The following MAP4K4 variants were observed in gnomAD, a reference collection of about 807,000 sequenced individuals.
MAP4K4 encodes the protein HPK/GCK-like kinase HGK.
Under a neutral mutation model 189.6 loss-of-function variants are expected in MAP4K4, and 38 were observed. The observed-to-expected ratio is 0.20, with a 90% CI of 0.15 to 0.26. The LOEUF is 0.26. Among genes scored for constraint, MAP4K4 ranks in the 10% least tolerant of loss-of-function variants. The pLI is 1.00. For missense variants in MAP4K4, 1,054 were observed against 1,726.9 expected (o/e 0.61, Z 6.91); for synonymous variants, 610 against 624.3 (o/e 0.98, Z 0.34).
chr2:101,768,763 A>T (rs2079884164), intron 2 of MAP4K4, among the ~76,000 whole-genome samples: 1 of 152,184 alleles, frequency 6.6e-6, no homozygotes, highest in Non-Finnish European at 1.5e-5. Context: ...TAAGGGTTTT[A>T]GGAGCCTGTT....
chr2:101,820,853 G>T (rs560098717), intron 3 of MAP4K4, among the ~76,000 whole-genome samples: 1 of 152,160 alleles, frequency 6.6e-6, no homozygotes, highest in African/African-American at 2.4e-5. Context: ...GCTACTGCTC[G>T]TTACACTGTG....
At chr2:101,883,544 A>G (rs943818618) in intron 28 of MAP4K4, among the ~76,000 whole-genome samples, 2 of 152,194 alleles carry the variant, frequency 1.3e-5, no homozygotes. Context: ...AAATACTGGC[A>G]CTAATGTTAG....
chr2:101,869,544 T>C (rs1026832973), intron 21 of MAP4K4, 78 bp from the exon 22 acceptor site: 20 of 1,168,166 alleles, frequency 1.7e-5, no homozygotes, highest in Middle Eastern at 1.9e-4. Context: ...TGTGGCAATT[T>C]ATGGTTAAAG....
At chr2:101,826,354 A>C (rs1490326442) in intron 5 of MAP4K4, among the ~76,000 whole-genome samples, 1 of 151,704 alleles carries the variant, frequency 6.6e-6, no homozygotes, top group African/African-American at 2.4e-5. Context: ...GAAATGTTTA[A>C]TTTTTTTTTA....
chr2:101,728,402 T>C (rs1207969817), intron 2 of MAP4K4, among the ~76,000 whole-genome samples: 1 of 152,200 alleles, frequency 6.6e-6, no homozygotes, highest in African/African-American at 2.4e-5. Flanking sequence ...TTTGAGATAA[T>C]TTTAATCACC....
At chr2:101,703,638 A>AAGG (rs758002590) in intron 2 of MAP4K4, among the ~76,000 whole-genome samples, 2 of 90,736 alleles carry the variant, frequency 2.2e-5, no homozygotes, top group Non-Finnish European at 2.1e-5. Flanking sequence ...AAAAAAAAAA[A>AAGG]GGCGGGGGTG....
At chr2:101,732,696 C>T (rs1302915576) in intron 2 of MAP4K4, among the ~76,000 whole-genome samples, 1 of 152,220 alleles carries the variant, frequency 6.6e-6, no homozygotes, top group Non-Finnish European at 1.5e-5. Flanking sequence ...TTCAAGCTAT[C>T]TCCTGCCTCA....
intron 3 of MAP4K4, among the ~76,000 whole-genome samples, chr2:101,811,584 T>C (rs1056030624): frequency 1.3e-5 from 2 of 152,118 alleles, no homozygotes; most frequent in African/African-American, 4.8e-5. Flanking sequence ...CCCTGTGCTC[T>C]GCCTGCCTCT....
At chr2:101,861,747 C>A (rs1183305999) in intron 16 of MAP4K4, 3 of 152,158 alleles carry the variant, frequency 2.0e-5, no homozygotes, top group Non-Finnish European at 4.4e-5. Flanking sequence ...CCTTAAAATG[C>A]CGATTCCTAA....
chr2:101,715,776 G>A (rs1359595558), intron 2 of MAP4K4, among the ~76,000 whole-genome samples: 1 of 152,092 alleles, frequency 6.6e-6, no homozygotes, highest in African/African-American at 2.4e-5. Flanking sequence ...GACAAGTACT[G>A]GTCCTTGACC....
chr2:101,796,235 A>C (rs1339695814), intron 3 of MAP4K4, among the ~76,000 whole-genome samples: 1 of 152,154 alleles, frequency 6.6e-6, no homozygotes, highest in East Asian at 1.9e-4. Flanking sequence ...AAATGTAGCT[A>C]TTGGACCAGC....
Position 101,834,476 on chromosome 2 carries a change from C to G in MAP4K4, c.694+13C>G, listed in dbSNP as rs967810442. The G allele has an allele frequency of 8.7e-6, 14 of 1,600,238 alleles. No homozygotes were observed. The highest frequency in any genetic ancestry group is 1.6e-4 in the Middle Eastern group (1 of 6,066). On this transcript the variant is annotated intron_variant, in intron 8 of 32. Transcript: ENST00000324219. Reference sequence around the variant, plus strand: ...GAAGGTGCTCCCCGTAAGTAACTTTCTTTTCTTTTTAGCTCACTTGTTACA... The same window carrying G: ...GAAGGTGCTCCCCGTAAGTAACTTTGTTTTCTTTTTAGCTCACTTGTTACA...
intron 2 of MAP4K4, 52 bp downstream of exon 2, chr2:101,698,590 G>T (rs2036025771): frequency 2.6e-6 from 4 of 1,551,994 alleles, no homozygotes; most frequent in Middle Eastern, 1.7e-4. Flanking sequence ...ACTTCTTATT[G>T]GGGGACGAGG....
chr2:101,862,676 G>C (rs1280080437), intron 16 of MAP4K4, among the ~76,000 whole-genome samples: 2 of 152,160 alleles, frequency 1.3e-5, no homozygotes, highest in Non-Finnish European at 2.9e-5. Context: ...CTTTGGGGGA[G>C]ACTTTTCTCG....
intron 2 of MAP4K4, among the ~76,000 whole-genome samples, chr2:101,789,395 A>G (rs187660566): frequency 7.9e-5 from 12 of 152,284 alleles, no homozygotes; most frequent in African/African-American, 2.4e-4. Context: ...GTGCCACACA[A>G]TGTTCCTTGT....
intron 3 of MAP4K4, chr2:101,797,266 G>T (rs2093798909): frequency 1.5e-6 from 2 of 1,290,578 alleles, no homozygotes; most frequent in African/African-American, 3.0e-5. Context: ...CCAGCTAAAT[G>T]CTACAGGCCT....
At chr2:101,857,044 C>T (rs945098364) in intron 13 of MAP4K4, among the ~76,000 whole-genome samples, 3 of 152,164 alleles carry the variant, frequency 2.0e-5, no homozygotes, top group African/African-American at 4.8e-5. Context: ...CTGTGTAGCG[C>T]GTGTGCTTTA....
intron 2 of MAP4K4, among the ~76,000 whole-genome samples, chr2:101,779,201 G>GGGA (rs965082767): frequency 8.5e-5 from 13 of 152,088 alleles, no homozygotes; most frequent in African/African-American, 1.4e-4. Context: ...TTTATTGATA[G>GGGA]GGAGGAGGAG....
chr2:101,889,718 G>A (rs955384339), intron 32 of MAP4K4, among the ~76,000 whole-genome samples: 2 of 152,184 alleles, frequency 1.3e-5, no homozygotes, highest in East Asian at 1.9e-4. Context: ...TTTGAAACTT[G>A]GCCCTGAAGA....
Sources: allele counts gnomAD v4.1 joint callset (sites outside exome capture counted in the v4.1 genomes callset), GRCh38; gene constraint gnomAD v4.1.1; transcripts MANE v1.5; gene names NCBI Gene and HGNC (gene_info 2026-07-23, HGNC 2026-07-21).